The following UHRF2 variants were observed in gnomAD, a reference collection of about 807,000 sequenced individuals.
The protein encoded by UHRF2 is E3 ubiquitin-protein ligase UHRF2.
In UHRF2, 23 loss-of-function variants were observed where a neutral mutation model predicts 96.8. The observed-to-expected ratio is 0.24, with a 90% CI of 0.17 to 0.34. UHRF2 has a LOEUF of 0.34. Among genes scored for constraint, UHRF2 ranks in the 10% least tolerant of loss-of-function variants. UHRF2 has a pLI of 1.00. For missense variants in UHRF2, 685 were observed against 981.5 expected, an observed-to-expected ratio of 0.70 and a Z score of 4.04; for synonymous variants, 385 against 332.6, an observed-to-expected ratio of 1.16 and a Z score of -1.72.
At chr9:6,434,296 T>C in intron 3 of UHRF2, 123 bp downstream of exon 3, 1 of 1,289,116 alleles carries the variant, frequency 7.8e-7, no homozygotes, top group African/African-American at 1.5e-5. Context: ...TGTTCATTTG[T>C]TACTTTTTGG....
intron 3 of UHRF2, among the ~76,000 whole-genome samples, chr9:6,459,804 T>A (rs770101116): frequency 6.6e-5 from 10 of 152,170 alleles, no homozygotes; most frequent in African/African-American, 2.4e-4. Context: ...AAGACCCTGC[T>A]TCTACAAAAG....
At chr9:6,427,040 G>T (rs1820302403) in intron 2 of UHRF2, among the ~76,000 whole-genome samples, 2 of 152,064 alleles carry the variant, frequency 1.3e-5, no homozygotes, top group South Asian at 4.1e-4. Flanking sequence ...GAGCCACTGT[G>T]CCTGGCTTGA....
chr9:6,459,414 A>T (rs1349565766), intron 3 of UHRF2, among the ~76,000 whole-genome samples: 1 of 152,028 alleles, frequency 6.6e-6, no homozygotes, highest in African/African-American at 2.4e-5. Flanking sequence ...CATGCCTGTA[A>T]TCCCAGCACT....
At chr9:6,455,729 A>C (rs1822136810) in intron 3 of UHRF2, among the ~76,000 whole-genome samples, 1 of 152,202 alleles carries the variant, frequency 6.6e-6, no homozygotes, top group Admixed American at 6.5e-5. Flanking sequence ...TTATGCCTGT[A>C]ATCCAAGCAC....
At chr9:6,475,583 A>G (rs957775663) in intron 5 of UHRF2, 83 bp downstream of exon 5, 1 of 656,150 alleles carries the variant, frequency 1.5e-6, no homozygotes, top group African/African-American at 1.9e-5. Flanking sequence ...AATAACTTGG[A>G]AGGAAGTATA....
intron 14 of UHRF2, among the ~76,000 whole-genome samples, chr9:6,503,210 G>A (rs1816392721): frequency 6.6e-6 from 1 of 151,972 alleles, no homozygotes. Flanking sequence ...TGGCCAGGTT[G>A]GTCTAGCACT....
At chr9:6,503,334 A>G (rs1212575313) in intron 14 of UHRF2, among the ~76,000 whole-genome samples, 1 of 152,124 alleles carries the variant, frequency 6.6e-6, no homozygotes, top group African/African-American at 2.4e-5. Context: ...AATATGAAAT[A>G]TACTCCCTTA....
intron 3 of UHRF2, among the ~76,000 whole-genome samples, chr9:6,447,199 C>T (rs1195889387): frequency 6.6e-6 from 1 of 152,130 alleles, no homozygotes; most frequent in African/African-American, 2.4e-5. Flanking sequence ...AGCACACGTA[C>T]CTTTTAACCT....
At chr9:6,459,756 TG>T (rs1822411765) in intron 3 of UHRF2, among the ~76,000 whole-genome samples, 1 of 152,214 alleles carries the variant, frequency 6.6e-6, no homozygotes. Context: ...GGGGGTTGCT[TG>T]AGGCCAGGAG....
chr9:6,447,726 A>G (rs1390857925), intron 3 of UHRF2, among the ~76,000 whole-genome samples: 1 of 152,226 alleles, frequency 6.6e-6, no homozygotes, highest in Non-Finnish European at 1.5e-5. Context: ...AGGCACAGAA[A>G]TCAAAACACA....
At chr9:6,468,650 A>C (rs1162150903) in intron 4 of UHRF2, 1 of 455,902 alleles carries the variant, frequency 2.2e-6, no homozygotes, top group Admixed American at 2.4e-5. Flanking sequence ...GCCTGCTTTC[A>C]CCTTTGGGCT....
chr9:6,471,990 A>G (rs1216590987), intron 4 of UHRF2, among the ~76,000 whole-genome samples: 1 of 152,246 alleles, frequency 6.6e-6, no homozygotes, highest in Non-Finnish European at 1.5e-5. Flanking sequence ...TTTTTGAGGT[A>G]TAACTTACAT....
chr9:6,487,638 A>G (rs1267121005), intron 9 of UHRF2, among the ~76,000 whole-genome samples: 2 of 152,182 alleles, frequency 1.3e-5, no homozygotes, highest in African/African-American at 4.8e-5. Flanking sequence ...AAGTGTTGGG[A>G]TTACAGGCGT....
chr9:6,432,430 C>G (rs1056637775), intron 2 of UHRF2, among the ~76,000 whole-genome samples: 3 of 152,148 alleles, frequency 2.0e-5, no homozygotes, highest in Non-Finnish European at 4.4e-5. Flanking sequence ...TTCCTGTATA[C>G]CTGTCTTGTC....
chr9:6,416,560 T>TTTC (rs56685965), intron 1 of UHRF2, among the ~76,000 whole-genome samples: 1 of 105,228 alleles, frequency 9.5e-6, no homozygotes, highest in African/African-American at 3.3e-5. Context: ...TTTTTTTTTT[T>TTTC]GAGACGGAGT....
chr9:6,454,743 G>A (rs1303968299), intron 3 of UHRF2, among the ~76,000 whole-genome samples: 1 of 152,120 alleles, frequency 6.6e-6, no homozygotes, highest in Non-Finnish European at 1.5e-5. Context: ...GTTGGGTAAC[G>A]GTTCAAGATT....
chr9:6,473,719 C>A (rs990801298), intron 4 of UHRF2, among the ~76,000 whole-genome samples: 64 of 152,226 alleles, frequency 4.2e-4, no homozygotes, highest in African/African-American at 1.5e-3. Flanking sequence ...GATGGTCTGT[C>A]ACAACTACTT....
chr9:6,434,318 G>T, intron 3 of UHRF2, 145 bp downstream of exon 3: 1 of 995,710 alleles, frequency 1.0e-6, no homozygotes, highest in Non-Finnish European at 1.4e-6. Context: ...TTTGGTGGTT[G>T]TACTCTAATT....
chr9:6,426,669 GA>G (rs1820277301), intron 2 of UHRF2, among the ~76,000 whole-genome samples: 1 of 152,132 alleles, frequency 6.6e-6, no homozygotes, highest in Non-Finnish European at 1.5e-5. Flanking sequence ...TGCCTTCACA[GA>G]ATTTTTATCA....
Sources: allele counts gnomAD v4.1 joint callset (sites outside exome capture counted in the v4.1 genomes callset), GRCh38; gene constraint gnomAD v4.1.1; transcripts MANE v1.5; gene names NCBI Gene and HGNC (gene_info 2026-07-23, HGNC 2026-07-21).